CCDC83: variants seen among roughly 807,000 people sequenced by gnomAD.
CCDC83 encodes coiled-coil domain-containing protein 83.
In CCDC83, 54 loss-of-function variants were observed where a neutral mutation model predicts 50.1. That is an observed-to-expected ratio of 1.08 (90% confidence interval 0.87 to 1.35). The LOEUF is 1.35. Among genes scored for constraint, CCDC83 ranks in the 40% most tolerant of loss-of-function variants. The pLI is 0.00. For missense variants in CCDC83, 518 were observed against 473.9 expected (o/e 1.09, Z -0.86); for synonymous variants, 161 against 153.3 (o/e 1.05, Z -0.37).
Position 85,865,085 on chromosome 11 carries a change from TTTCTAAACAGGTATA to T in CCDC83, c.-28-8_-22del. Reference sequence around the variant, plus strand: ...GAATTTTTCACTTTCGTATGTCTCCTTTCTAAACAGGTATATTTCTTCATAGCTAACCAGCACAAT... The same window carrying T: ...GAATTTTTCACTTTCGTATGTCTCCTTTTCTTCATAGCTAACCAGCACAAT... On this transcript the variant is annotated splice_acceptor_variant and splice_polypyrimidine_tract_variant and 5_prime_UTR_variant and intron_variant, in exon 2 of 11. Coordinates refer to ENST00000342404, the MANE Select transcript of CCDC83 (RefSeq NM_001286159.2). LOFTEE classifies it low-confidence loss of function (5UTR_SPLICE). The T allele has an allele frequency of 7.3e-7, 1 of 1,373,132 alleles. No homozygotes were observed. The highest frequency in any genetic ancestry group is 1.0e-6 in the Non-Finnish European group (1 of 967,678). 85.1% of individuals were successfully genotyped at this position (1,373,132 alleles called of 1,614,324 possible). A position where few individuals can be genotyped will look rare whatever the true frequency, so the allele number is the denominator to read the frequency against.
At chr11:85,878,849 A>G (rs897772370) in intron 3 of CCDC83, among the ~76,000 whole-genome samples, 3 of 152,174 alleles carry the variant, frequency 2.0e-5, no homozygotes, top group African/African-American at 4.8e-5. Context: ...TGATGCCGCT[A>G]TGCACTATTT....
At chr11:85,905,901 G>A (rs1288832425) in intron 7 of CCDC83, among the ~76,000 whole-genome samples, 2 of 147,992 alleles carry the variant, frequency 1.4e-5, no homozygotes, top group Admixed American at 1.4e-4. Context: ...CCCGGGAGGT[G>A]GAGCTTGCAG....
chr11:85,897,197 C>A (rs1320917884), intron 6 of CCDC83, among the ~76,000 whole-genome samples: 1 of 152,190 alleles, frequency 6.6e-6, no homozygotes, highest in Non-Finnish European at 1.5e-5. Context: ...TCTAAATATT[C>A]TTTCAAGCAT....
At chr11:85,896,269 C>A (rs981716690) in intron 6 of CCDC83, among the ~76,000 whole-genome samples, 6 of 151,790 alleles carry the variant, frequency 4.0e-5, no homozygotes, top group African/African-American at 1.2e-4. Flanking sequence ...CTCAGCTAGT[C>A]CCAGCTCAGT....
At chr11:85,917,213 A>AGAGAGAGAAAGAAAGAAAGAAG (rs1554986939) in intron 10 of CCDC83, among the ~76,000 whole-genome samples, 1 of 115,070 alleles carries the variant, frequency 8.7e-6, no homozygotes, top group Non-Finnish European at 1.8e-5. Flanking sequence ...AAAGAAGGAA[A>AGAGAGAGAAAGAAAGAAAGAAG]GAAAGAAAGA....
At chr11:85,901,130 A>T (rs1184947628) in intron 7 of CCDC83, among the ~76,000 whole-genome samples, 1 of 151,804 alleles carries the variant, frequency 6.6e-6, no homozygotes, top group Non-Finnish European at 1.5e-5. Context: ...ATTTTGGGCG[A>T]CCAATGCAGG....
intron 3 of CCDC83, among the ~76,000 whole-genome samples, chr11:85,877,288 T>C (rs1046262159): frequency 5.3e-5 from 8 of 152,088 alleles, no homozygotes; most frequent in Admixed American, 2.0e-4. Context: ...CTGGGCAACA[T>C]AGTGAGAGCC....
chr11:85,911,488 T>G (rs1002885140), intron 8 of CCDC83, 86 bp downstream of exon 8: 4 of 1,195,358 alleles, frequency 3.3e-6, no homozygotes, highest in Non-Finnish European at 4.6e-6. Flanking sequence ...AAAAAGATGA[T>G]TTAATTATTC....
chr11:85,858,018 A>G (rs1348062419), intron 1 of CCDC83, among the ~76,000 whole-genome samples: 1 of 152,176 alleles, frequency 6.6e-6, no homozygotes, highest in Admixed American at 6.5e-5. Context: ...GTGGCTCAAC[A>G]AGAATACTGT....
intron 7 of CCDC83, among the ~76,000 whole-genome samples, chr11:85,909,782 C>T (rs1021187187): frequency 3.9e-5 from 6 of 151,940 alleles, no homozygotes; most frequent in African/African-American, 1.5e-4. Context: ...GATGAGAATT[C>T]TACCAACAGA....
At chr11:85,890,805 G>A (rs184577137) in intron 5 of CCDC83, among the ~76,000 whole-genome samples, 3 of 152,304 alleles carry the variant, frequency 2.0e-5, no homozygotes, top group African/African-American at 7.2e-5. Context: ...TTTGAAAGAA[G>A]TTTAAATTGT....
intron 3 of CCDC83, among the ~76,000 whole-genome samples, chr11:85,874,274 G>A (rs2093256766): frequency 6.6e-6 from 1 of 152,326 alleles, no homozygotes; most frequent in Non-Finnish European, 1.5e-5. Context: ...TTGGCCTGGT[G>A]CCTGAATGCA....
At chr11:85,914,585 TTTCAGGACACTATCA>T (rs2093469015) in intron 8 of CCDC83, among the ~76,000 whole-genome samples, 2 of 152,192 alleles carry the variant, frequency 1.3e-5, no homozygotes, top group Non-Finnish European at 2.9e-5. Context: ...AAAAGTGGTC[TTTCAGGACACTATCA>T]TTCCGCACCT....
intron 3 of CCDC83, among the ~76,000 whole-genome samples, chr11:85,874,937 T>C (rs1271554654): frequency 6.6e-6 from 1 of 152,198 alleles, no homozygotes; most frequent in African/African-American, 2.4e-5. Flanking sequence ...GGAGGATTTT[T>C]TGCTCCTTAG....
At chr11:85,889,044 A>G (rs1175100213) in intron 5 of CCDC83, among the ~76,000 whole-genome samples, 2 of 152,234 alleles carry the variant, frequency 1.3e-5, no homozygotes, top group Non-Finnish European at 2.9e-5. Flanking sequence ...TTAACCCATT[A>G]TCTTGATCAG....
chr11:85,861,580 A>C (rs1301133929), intron 1 of CCDC83, among the ~76,000 whole-genome samples: 1 of 152,224 alleles, frequency 6.6e-6, no homozygotes, highest in Non-Finnish European at 1.5e-5. Context: ...AACATTAGCT[A>C]TCAAACCTCA....
chr11:85,904,642 A>G (rs1040385607), intron 7 of CCDC83, among the ~76,000 whole-genome samples: 1 of 151,970 alleles, frequency 6.6e-6, no homozygotes, highest in South Asian at 2.1e-4. Context: ...CTGGAACTAC[A>G]TTTTTTTTCC....
intron 7 of CCDC83, among the ~76,000 whole-genome samples, chr11:85,902,626 T>C (rs544840413): frequency 6.6e-6 from 1 of 152,168 alleles, no homozygotes; most frequent in African/African-American, 2.4e-5. Flanking sequence ...GAAAACTGCC[T>C]CCTCTTCTAC....
intron 3 of CCDC83, among the ~76,000 whole-genome samples, chr11:85,873,861 T>C (rs948162292): frequency 2.6e-5 from 4 of 152,224 alleles, no homozygotes; most frequent in Non-Finnish European, 4.4e-5. Flanking sequence ...ATTAACACAA[T>C]TTATCCCTCA....
Sources: gnomAD v4.1 joint callset for allele counts (sites outside exome capture counted in the v4.1 genomes callset) on GRCh38, gnomAD v4.1.1 for gene constraint, MANE v1.5 for transcripts, NCBI Gene and HGNC (gene_info 2026-07-23, HGNC 2026-07-21) for gene names.